STXBP4: variants seen among roughly 807,000 people sequenced by gnomAD.
STXBP4 encodes the protein syntaxin-binding protein 4.
A neutral mutation model predicts 76.1 loss-of-function variants in STXBP4; 55 were observed. That is an observed-to-expected ratio of 0.72 (90% CI 0.58 to 0.91). The LOEUF (loss-of-function observed/expected upper bound fraction) is 0.91, where lower values mean the gene tolerates loss of function less well. STXBP4 is among the 40% of genes least tolerant of loss of function. The probability of loss-of-function intolerance (pLI) is 0.00; values close to 1 mark genes in which losing one functional copy is unlikely to be tolerated. For synonymous variants in STXBP4, 201 were observed against 220.2 expected (o/e 0.91, Z 0.77); for missense variants, 618 against 636.9 (o/e 0.97, Z 0.32).
At chr17:55,176,651 A>C (rs2080432073), downstream of STXBP4, among the ~76,000 whole-genome samples, 1 of 152,194 alleles carries the variant, frequency 6.6e-6, no homozygotes, top group African/African-American at 2.4e-5. Context: ...GTGTTGAGGG[A>C]TACCCAGATA....
chr17:54,988,013 A>G (rs1336405171), intron 3 of STXBP4, among the ~76,000 whole-genome samples: 1 of 152,206 alleles, frequency 6.6e-6, no homozygotes, highest in African/African-American at 2.4e-5. Flanking sequence ...CTAAAATTTT[A>G]ATAAGAGTTT....
chr17:55,074,466 T>G (rs1004273097), intron 13 of STXBP4, among the ~76,000 whole-genome samples: 6 of 152,142 alleles, frequency 3.9e-5, no homozygotes, highest in Non-Finnish European at 8.8e-5. Context: ...TTATGTAACT[T>G]TAGCCTGAGT....
At chr17:55,003,823 A>G (rs1267788294) in intron 7 of STXBP4, among the ~76,000 whole-genome samples, 5 of 152,186 alleles carry the variant, frequency 3.3e-5, no homozygotes, top group Admixed American at 3.3e-4. Flanking sequence ...TGAATAACAC[A>G]TGAGTTTGTA....
intron 8 of STXBP4, among the ~76,000 whole-genome samples, chr17:55,011,346 C>T (rs1037159026): frequency 2.6e-5 from 4 of 151,734 alleles, no homozygotes; most frequent in Non-Finnish European, 5.9e-5. Flanking sequence ...TACCCATCAC[C>T]CAACTTAAGA....
At chr17:55,127,346 T>C (rs1244178697) in intron 16 of STXBP4, among the ~76,000 whole-genome samples, 1 of 152,234 alleles carries the variant, frequency 6.6e-6, no homozygotes, top group Non-Finnish European at 1.5e-5. Flanking sequence ...CAGTCACCAA[T>C]TGATGGATCT....
At chr17:55,082,493 T>C (rs1179028371) in intron 16 of STXBP4, among the ~76,000 whole-genome samples, 1 of 152,190 alleles carries the variant, frequency 6.6e-6, no homozygotes, top group Non-Finnish European at 1.5e-5. Flanking sequence ...ACAGATTTTT[T>C]ACCACCATAA....
intron 8 of STXBP4, among the ~76,000 whole-genome samples, chr17:55,013,252 T>A (rs2078144699): frequency 6.6e-6 from 1 of 152,226 alleles, no homozygotes; most frequent in Non-Finnish European, 1.5e-5. Flanking sequence ...TTTCTGTTTT[T>A]TTCTGTGATG....
At chr17:55,111,131 C>T (rs768523041) in intron 16 of STXBP4, among the ~76,000 whole-genome samples, 1 of 152,162 alleles carries the variant, frequency 6.6e-6, no homozygotes, top group Non-Finnish European at 1.5e-5. Context: ...TGTCACCCTA[C>T]TTCCAGATTT....
intron 4 of STXBP4, chr17:54,991,361 A>G (rs1265646982): frequency 6.6e-6 from 1 of 152,380 alleles, no homozygotes; most frequent in Non-Finnish European, 1.5e-5. Flanking sequence ...GAAACAGCAA[A>G]CAAAATCTAA....
At chr17:55,177,034 C>G (rs529365595), downstream of STXBP4, among the ~76,000 whole-genome samples, 1 of 152,174 alleles carries the variant, frequency 6.6e-6, no homozygotes, top group South Asian at 2.1e-4. Flanking sequence ...CAAATTACAC[C>G]CCTGCTTTCC....
downstream of STXBP4, among the ~76,000 whole-genome samples, chr17:55,176,273 A>G (rs2080430544): frequency 6.6e-6 from 1 of 152,182 alleles, no homozygotes; most frequent in Non-Finnish European, 1.5e-5. Context: ...AACTCAGGAA[A>G]GAGTGGTCTG....
chr17:55,008,362 C>T (rs1178492848), intron 8 of STXBP4, among the ~76,000 whole-genome samples: 4 of 152,036 alleles, frequency 2.6e-5, no homozygotes, highest in African/African-American at 9.7e-5. Context: ...ATTCCCATAT[C>T]CACACCTTTG....
At chr17:55,027,754 T>A (rs953511392) in intron 8 of STXBP4, among the ~76,000 whole-genome samples, 1 of 151,996 alleles carries the variant, frequency 6.6e-6, no homozygotes, top group Non-Finnish European at 1.5e-5. Context: ...AATAAACAGA[T>A]CAAGAATGAT....
chr17:55,000,638 C>T (rs2077895677), intron 6 of STXBP4, among the ~76,000 whole-genome samples, 170 bp from the exon 7 acceptor site: 2 of 152,072 alleles, frequency 1.3e-5, no homozygotes, highest in Admixed American at 1.3e-4. Flanking sequence ...GCAATTGTTA[C>T]CTTTAATTCT....
the STXBP4 span, among the ~76,000 whole-genome samples, chr17:55,182,779 C>A: frequency 6.7e-6 from 1 of 150,306 alleles, no homozygotes; most frequent in Admixed American, 6.6e-5. Context: ...TAGAATTACT[C>A]CTACAAAGTG....
intron 13 of STXBP4, among the ~76,000 whole-genome samples, chr17:55,074,081 C>T (rs1204683625): frequency 1.3e-5 from 2 of 152,090 alleles, no homozygotes; most frequent in African/African-American, 4.8e-5. Flanking sequence ...CATTTGTTCA[C>T]TTACAAACAT....
the STXBP4 span, among the ~76,000 whole-genome samples, chr17:55,208,261 C>T: frequency 6.6e-6 from 1 of 151,920 alleles, no homozygotes; most frequent in Admixed American, 6.6e-5. Context: ...TAGCAGTGCC[C>T]AAGTGACAGG....
At chr17:55,120,580 G>A (rs2079832876) in intron 16 of STXBP4, among the ~76,000 whole-genome samples, 1 of 152,182 alleles carries the variant, frequency 6.6e-6, no homozygotes, top group African/African-American at 2.4e-5. Flanking sequence ...AAAATATGAA[G>A]CTCCAAGTTT....
intron 12 of STXBP4, among the ~76,000 whole-genome samples, chr17:55,053,862 C>G (rs16955531): frequency 0.041 from 6,212 of 152,030 alleles, 447 homozygotes; most frequent in African/African-American, 0.14. Flanking sequence ...GATTTTTCTC[C>G]TAACTTTACA....
Sources: allele counts gnomAD v4.1 joint callset (sites outside exome capture counted in the v4.1 genomes callset), GRCh38; gene constraint gnomAD v4.1.1; transcripts MANE v1.5; gene names NCBI Gene and HGNC (gene_info 2026-07-23, HGNC 2026-07-21).